NLRP6: variants seen among roughly 807,000 people sequenced by gnomAD.
NLRP6 encodes NLR family pyrin domain containing 6.
In NLRP6, 55 loss-of-function variants were observed where a neutral mutation model predicts 70.9. The observed-to-expected ratio is 0.78, with a 90% CI of 0.62 to 0.97. The LOEUF is 0.97. Among genes scored for constraint, NLRP6 ranks in the 50% least tolerant of loss-of-function variants. NLRP6 has a pLI of 0.00. For synonymous variants in NLRP6, 652 were observed against 581.9 expected, an observed-to-expected ratio of 1.12 and a Z score of -1.73; for missense variants, 1,241 against 1,238.3, an observed-to-expected ratio of 1.00 and a Z score of -0.03.
rs1845465991 is a variant in NLRP6 at position 280,954 on chromosome 11, A to G, written c.1220A>G (p.Asp407Gly). Residue 407 changes from aspartate to glycine, a missense_variant, in exon 4 of 8, where the codon GAC (aspartate) becomes GGC (glycine). Asp to Gly is a moderately conservative substitution (Grantham distance 94). Transcript: ENST00000534750. ...CGCCAGCAGCTGGAGCTCGGTCGGG[A>G]CCTGTCGCGCACGTCCAAGACCACC... The part of the protein sequence containing the change: ...VLRQQLELGR[D>G]LSRTSKTTTS... The G allele has an allele frequency of 1.2e-6, 2 of 1,613,162 alleles. No homozygotes were observed. Among genetic ancestry groups the G allele is most frequent in the East Asian group, 2.2e-5 (1 of 44,868 alleles).
At position 280,926 on chromosome 11, in the gene NLRP6, CT is replaced by C; in HGVS notation, c.1193del (p.Leu398ArgfsTer30). On this transcript the variant is annotated frameshift_variant, in exon 4 of 8. Coordinates refer to ENST00000534750, the MANE Select transcript of NLRP6 (RefSeq NM_001276700.2). LOFTEE classifies it high-confidence loss of function. ...PFVCWIVCTV[L>X]RQQLELGRDL... ...CGTGTGCTGGATCGTGTGCACCGTG[CT>C]GCGCCAGCAGCTGGAGCTCGGTCGG... The C allele has an allele frequency of 6.2e-7, 1 of 1,613,258 alleles. No homozygotes were observed. Among genetic ancestry groups the C allele is most frequent in the Non-Finnish European group, 8.5e-7 (1 of 1,179,932 alleles).
chr11:284,418 A>G lies in NLRP6; in HGVS notation c.2369+18A>G, dbSNP rs1270274514. 3 of 1,599,958 alleles carry G rather than the reference A, an allele frequency of 1.9e-6. No homozygotes were observed. Among genetic ancestry groups the G allele is most frequent in the South Asian group, 1.1e-5 (1 of 90,792 alleles). Reference sequence around the variant, plus strand: ...ACGGTCAGGTGAGGCCTGGCCTGGGAGGGACCGTGGGATGCCCCCGCCACC... The same window carrying G: ...ACGGTCAGGTGAGGCCTGGCCTGGGGGGGACCGTGGGATGCCCCCGCCACC... On this transcript the variant is annotated intron_variant, in intron 6 of 7. Transcript: ENST00000534750.
intron 3 of NLRP6, 45 bp from the exon 4 acceptor site, chr11:280,039 C>G (rs528125372): frequency 1.7e-5 from 24 of 1,441,364 alleles, no homozygotes; most frequent in Admixed American, 5.7e-5. Context: ...CGCAGCCTGC[C>G]CCACCTCCGA....
intron 3 of NLRP6, 34 bp downstream of exon 3, chr11:279,906 CAA>C: frequency 6.7e-7 from 1 of 1,499,410 alleles, no homozygotes; most frequent in Non-Finnish European, 8.9e-7. Context: ...CGAGTGTCCC[CAA>C]CCCCACTTGG....
chr11:285,303 G>A lies in NLRP6; in HGVS notation c.2675G>A (p.Ter892=). 1 of 1,608,168 alleles carries A rather than the reference G, an allele frequency of 6.2e-7. No individual in the cohort carries two copies. Among genetic ancestry groups the A allele is most frequent in the Non-Finnish European group, 8.5e-7 (1 of 1,177,032 alleles). ...CCCAAGGAACTCATCTCGACCTTCT[G>A]AGGCTCTGGTGGCCAGAGCAGGGTG... The part of the protein sequence containing the change: ...QPPKELISTF[*] Residue 892 remains the stop codon, a stop_retained_variant, in exon 8 of 8, where the codon TGA becomes TAA. Coordinates refer to ENST00000534750, the MANE Select transcript of NLRP6 (RefSeq NM_001276700.2).
chr11:281,652 C>A lies in NLRP6; in HGVS notation c.1918C>A (p.Arg640=). The A allele has an allele frequency of 1.2e-6, 2 of 1,613,400 alleles. No individual in the cohort carries two copies. Among genetic ancestry groups the A allele is most frequent in the South Asian group, 2.2e-5 (2 of 91,046 alleles). The change falls in exon 4 of 8, where the codon CGG becomes AGG. Residue 640 remains arginine, a synonymous_variant. Transcript: ENST00000534750. ...CGCGTTTGTGCGCCAAGCCCTGTGC[C>A]GGTTCCCGGAGCTGGCGCTGCAGCG... ...EDAFVRQALC[R]FPELALQRVR...
chr11:279,143 G>T (rs1051947774), intron 1 of NLRP6, 184 bp from the exon 2 acceptor site: 2 of 480,146 alleles, frequency 4.2e-6, no homozygotes, highest in Non-Finnish European at 6.6e-6. Context: ...GTCCGGGGAC[G>T]GGGGAGGGAA....
At chr11:283,414 C>G (rs1166622295) in intron 5 of NLRP6, among the ~76,000 whole-genome samples, 2 of 150,108 alleles carry the variant, frequency 1.3e-5, no homozygotes, top group African/African-American at 4.9e-5. Flanking sequence ...CCCGGGTTCA[C>G]GCCATTCTCC....
At chr11:285,023 G>T in intron 7 of NLRP6, 143 bp from the exon 8 acceptor site, 1 of 671,782 alleles carries the variant, frequency 1.5e-6, no homozygotes, top group Non-Finnish European at 2.5e-6. Context: ...CAAGCTGACA[G>T]CCCAGTCACT....
Position 281,490 on chromosome 11 carries a change from T to C in NLRP6, c.1756T>C (p.Cys586Arg). 1 of 1,597,264 alleles carries C rather than the reference T, an allele frequency of 6.3e-7. No homozygotes were observed. Among genetic ancestry groups the C allele is most frequent in the East Asian group, 2.2e-5 (1 of 44,652 alleles). Residue 586 changes from cysteine to arginine, a missense_variant, in exon 4 of 8, where the codon TGC becomes CGC. Cys to Arg is a radical substitution (Grantham distance 180). Coordinates refer to ENST00000534750, the MANE Select transcript of NLRP6 (RefSeq NM_001276700.2). Reference sequence around the variant, plus strand: ...GTGGGTGCAGGGACAGGGACAGGGCTGCCCCGGAGTGGCACCAGAGGTGAC... The same window carrying C: ...GTGGGTGCAGGGACAGGGACAGGGCCGCCCCGGAGTGGCACCAGAGGTGAC... ...LRWVQGQGQG[C>R]PGVAPEVTEG...
Position 280,206 on chromosome 11 carries a change from G to A in NLRP6, c.472G>A (p.Ala158Thr). The stretch of plus-strand genomic sequence containing the variant: ...GCTGCTCATCGCGCCCGAGAGCGCC[G>A]CCCCGGAGGAGGCGATGGGGCCCGC... ...TKLLIAPESAAPEEAMGPAEE... is the reference protein window; with the variant it reads ...TKLLIAPESATPEEAMGPAEE... Residue 158 changes from alanine to threonine, a missense_variant, in exon 4 of 8, where the codon GCC (alanine) becomes ACC (threonine). By Grantham distance (58) the Ala-to-Thr change is moderately conservative. Coordinates refer to ENST00000534750, the MANE Select transcript of NLRP6 (RefSeq NM_001276700.2). 6.5e-7 allele frequency: 1 copy of A among 1,546,674 alleles called. No individual in the cohort carries two copies.
intron 5 of NLRP6, among the ~76,000 whole-genome samples, chr11:283,265 T>C (rs1231180708): frequency 6.6e-6 from 1 of 151,060 alleles, no homozygotes; most frequent in Non-Finnish European, 1.5e-5. Flanking sequence ...AGCCAGTAGA[T>C]CCAGAGAGTT....
Position 280,433 on chromosome 11 carries a change from C to T in NLRP6, c.699C>T (p.Phe233=). ...ACCAGGGCCAGGTGGACTTCGCCTT[C>T]TTCATGCCCTGCGGCGAGCTGCTGG... ...KLYQGQVDFA[F]FMPCGELLER... Residue 233 remains phenylalanine (F), a synonymous_variant, in exon 4 of 8, where the codon TTC becomes TTT. Transcript: ENST00000534750. The T allele has an allele frequency of 6.3e-7, 1 of 1,591,656 alleles. No homozygotes were observed. The highest frequency in any genetic ancestry group is 8.5e-7 in the Non-Finnish European group (1 of 1,177,196).
intron 4 of NLRP6, among the ~76,000 whole-genome samples, chr11:282,175 C>T (rs929741519): frequency 5.3e-5 from 8 of 152,156 alleles, no homozygotes; most frequent in Admixed American, 4.6e-4. Context: ...CTGCACTTGC[C>T]CTTCCCTCCA....
Position 280,127 on chromosome 11 carries a change from T to G in NLRP6, c.393T>G (p.Ala131=). The G allele has an allele frequency of 1.3e-6, 2 of 1,536,328 alleles. No individual in the cohort carries two copies. Among genetic ancestry groups the G allele is most frequent in the Non-Finnish European group, 8.7e-7 (1 of 1,143,588 alleles). The change falls in exon 4 of 8, where the codon GCT becomes GCG. Residue 131 remains alanine, a synonymous_variant. Transcript: ENST00000534750. ...KYREHVLQLH[A]RVKERNARSV... is the part of the protein sequence containing the mutation. ...GGGAGCACGTGCTGCAGCTGCACGCTCGGGTGAAGGAGAGGAACGCCCGCT... is the reference window on the plus strand; with the variant it reads ...GGGAGCACGTGCTGCAGCTGCACGCGCGGGTGAAGGAGAGGAACGCCCGCT...
At chr11:279,133 G>T in intron 1 of NLRP6, 194 bp from the exon 2 acceptor site, 1 of 449,556 alleles carries the variant, frequency 2.2e-6, no homozygotes, top group Non-Finnish European at 3.6e-6. Context: ...CCCGACCCGG[G>T]TCCGGGGACG....
At position 278,708 on chromosome 11, in the gene NLRP6, C is replaced by A. The variant is rs755582062; in HGVS notation, c.29+110C>A. The A allele has an allele frequency of 6.6e-6, 5 of 760,858 alleles. No homozygotes were observed. Among genetic ancestry groups the A allele is most frequent in the Non-Finnish European group, 8.1e-6 (4 of 492,984 alleles). 47.1% of individuals were successfully genotyped at this position (760,858 alleles called of 1,614,324 possible). ...GCTCTCCACCCTTGTCCACATCCTT[C>A]CCCCACCCTCACTCCCAGGCTCAGG... is the stretch of plus-strand genomic sequence containing the variant. On this transcript the variant is annotated intron_variant, in intron 1 of 7. Coordinates refer to ENST00000534750, the MANE Select transcript of NLRP6 (RefSeq NM_001276700.2). The surrounding 1 kb of genome is among the most constrained non-coding windows in gnomAD (Gnocchi z 4.7).
In NLRP6 at chr11:281,093, C is replaced by A. The variant is rs374795710; in HGVS notation, c.1359C>A (p.Val453=). The A allele has an allele frequency of 4.6e-5, 74 of 1,612,580 alleles. No homozygotes were observed. The highest frequency in any genetic ancestry group is 6.2e-5 in the Non-Finnish European group (73 of 1,179,732). ...TGTGCCGCCTGGCCCGCGAGGGCGTCCTCGGACGCAGGGCGCAGTTTGCCG... is the reference window on the plus strand; with the variant it reads ...TGTGCCGCCTGGCCCGCGAGGGCGTACTCGGACGCAGGGCGCAGTTTGCCG... The part of the protein sequence containing the change: ...RNLCRLAREG[V]LGRRAQFAEK... Residue 453 remains valine, a synonymous_variant, in exon 4 of 8, where the codon GTC becomes GTA. Transcript: ENST00000534750.
rs1299530499 is a variant in NLRP6, at chr11:279,947, G to A, written c.349+75G>A. 10 of 1,429,424 alleles carry A rather than the reference G, an allele frequency of 7.0e-6. No individual in the cohort carries two copies. In the East Asian group the frequency reaches 1.3e-4, roughly 18 times the overall value. The allele number at this position is 1,429,424 out of a possible 1,614,324, so 88.5% of individuals were successfully genotyped here. A position where few individuals can be genotyped will look rare whatever the true frequency, so the allele number is the denominator to read the frequency against. On this transcript the variant is annotated intron_variant, in intron 3 of 7. Transcript: ENST00000534750. ...GTCCCGGGGAGGACCGGGGTGGGAG[G>A]GCCGCCAGGGGCGTGGGCTGTGGTC...
Sources: gnomAD v4.1 joint callset for allele counts (sites outside exome capture counted in the v4.1 genomes callset) on GRCh38, gnomAD v4.1.1 for gene constraint, Gnocchi (gnomAD v3.1) non-coding constraint, MANE v1.5 for transcripts, NCBI Gene and HGNC (gene_info 2026-07-23, HGNC 2026-07-21) for gene names.